EMSY: variants seen among roughly 807,000 people sequenced by gnomAD.
The protein encoded by EMSY is EMSY transcriptional repressor, BRCA2 interacting.
Under a neutral mutation model 134.6 loss-of-function variants are expected in EMSY, and 26 were observed. That is an observed-to-expected ratio of 0.19 (90% CI 0.14 to 0.27). The LOEUF is 0.27. EMSY is among the 10% of genes least tolerant of loss of function. EMSY has a pLI of 1.00. For missense variants in EMSY, 1,305 were observed against 1,611.4 expected (o/e 0.81, Z 3.26); for synonymous variants, 579 against 577.8 (o/e 1.00, Z -0.03).
intron 9 of EMSY, among the ~76,000 whole-genome samples, chr11:76,512,577 A>G (rs979773119): frequency 6.6e-6 from 1 of 152,008 alleles, no homozygotes; most frequent in Non-Finnish European, 1.5e-5. Context: ...TTCAGCCTCA[A>G]AGAGCATGTT....
Position 76,511,782 on chromosome 11 carries a change from G to T in EMSY, c.1364-1604G>T, listed in dbSNP as rs142378425. 4.4e-3 allele frequency among the ~76,000 whole-genome samples: 664 copies of T among 152,068 alleles called. 2 individuals carry two copies. Among genetic ancestry groups the T allele is most frequent in the Non-Finnish European group, 5.5e-3 (376 of 67,964 alleles). On this transcript the variant is annotated intron_variant, in intron 9 of 20. Transcript: ENST00000334736. Reference sequence around the variant, plus strand: ...GAAATTATTCCCCCCACAAACCTCAGTGCTTAAGATTTATTATAATCAGAA... The same window carrying T: ...GAAATTATTCCCCCCACAAACCTCATTGCTTAAGATTTATTATAATCAGAA...
At chr11:76,450,889 GC>G (rs1209463041) in intron 2 of EMSY, among the ~76,000 whole-genome samples, 1 of 150,998 alleles carries the variant, frequency 6.6e-6, no homozygotes, top group Non-Finnish European at 1.5e-5. Context: ...GACTTCCTGG[GC>G]TCAAGTGATC....
intron 17 of EMSY, among the ~76,000 whole-genome samples, chr11:76,540,676 T>C (rs1449411698): frequency 6.6e-6 from 1 of 152,220 alleles, no homozygotes. Context: ...AAATGGCATT[T>C]TTACATTGAT....
intron 11 of EMSY, among the ~76,000 whole-genome samples, chr11:76,522,161 G>A (rs996915653): frequency 7.2e-5 from 11 of 152,126 alleles, no homozygotes; most frequent in Non-Finnish European, 2.9e-5. Context: ...AATTATGGAA[G>A]GATGTGTGGG....
intron 8 of EMSY, among the ~76,000 whole-genome samples, chr11:76,480,627 A>G (rs1404163478): frequency 2.0e-5 from 3 of 152,178 alleles, no homozygotes; most frequent in African/African-American, 7.2e-5. Flanking sequence ...GTTGCTGGCA[A>G]GGTAGCCGAA....
intron 3 of EMSY, among the ~76,000 whole-genome samples, chr11:76,452,277 G>A (rs1269509110): frequency 6.6e-6 from 1 of 152,206 alleles, no homozygotes; most frequent in Non-Finnish European, 1.5e-5. Flanking sequence ...GGAAAGAAGA[G>A]CAGTAACTGG....
At chr11:76,519,629 C>T (rs1950575609) in intron 11 of EMSY, among the ~76,000 whole-genome samples, 1 of 152,072 alleles carries the variant, frequency 6.6e-6, no homozygotes, top group South Asian at 2.1e-4. Flanking sequence ...TTGAGCAAAG[C>T]AACATAAAAC....
chr11:76,536,023 A>G, exon 15 of EMSY: 1 of 1,591,654 alleles, frequency 6.3e-7, no homozygotes, highest in South Asian at 1.2e-5. Context: ...AGCTACTTCA[A>G]CAATCAAAGC....
chr11:76,511,604 G>A (rs943236609), intron 9 of EMSY, among the ~76,000 whole-genome samples: 3 of 152,110 alleles, frequency 2.0e-5, no homozygotes, highest in African/African-American at 7.2e-5. Flanking sequence ...GGAGGCTGAG[G>A]CAGGAGAATC....
intron 14 of EMSY, among the ~76,000 whole-genome samples, chr11:76,532,077 C>G (rs1245873658): frequency 6.6e-6 from 1 of 152,130 alleles, no homozygotes; most frequent in Non-Finnish European, 1.5e-5. Context: ...TGTACATCAG[C>G]TCTTTTAACA....
exon 19 of EMSY, chr11:76,544,520 C>T (rs1348289732): frequency 6.2e-7 from 1 of 1,614,152 alleles, no homozygotes; most frequent in Admixed American, 1.7e-5. Context: ...CCAGCACAAA[C>T]TCCCGCAAAT....
exon 19 of EMSY, chr11:76,544,397 A>G (rs1188621491): frequency 6.2e-7 from 1 of 1,614,050 alleles, no homozygotes; most frequent in Non-Finnish European, 8.5e-7. Flanking sequence ...ACAGTCAGCT[A>G]AACAGCAGAA....
intron 4 of EMSY, 94 bp from the exon 6 acceptor site, chr11:76,458,089 T>C (rs1449511767): frequency 4.1e-6 from 5 of 1,232,008 alleles, no homozygotes; most frequent in Non-Finnish European, 5.5e-6. Context: ...GGGCACTTTT[T>C]ATAATTTAAA....
chr11:76,484,521 A>G (rs1371768301), intron 8 of EMSY, among the ~76,000 whole-genome samples: 1 of 152,258 alleles, frequency 6.6e-6, no homozygotes, highest in Non-Finnish European at 1.5e-5. Context: ...AATAAAGAAG[A>G]AAAGAGAGAA....
chr11:76,488,535 G>T (rs6592644), intron 8 of EMSY, among the ~76,000 whole-genome samples: 42,011 of 141,904 alleles, frequency 0.3, 6,179 homozygotes, highest in Non-Finnish European at 0.34. Context: ...TTTTTTTTTT[G>T]TTTTTTTTTT....
At chr11:76,533,716 G>A (rs1951125889) in intron 14 of EMSY, among the ~76,000 whole-genome samples, 1 of 152,136 alleles carries the variant, frequency 6.6e-6, no homozygotes. Flanking sequence ...CTAACGTGTA[G>A]TAGGTATCCA....
chr11:76,495,120 A>AC (rs1389507257), intron 8 of EMSY, among the ~76,000 whole-genome samples: 1 of 152,232 alleles, frequency 6.6e-6, no homozygotes, highest in Non-Finnish European at 1.5e-5. Context: ...GAAAAATTCA[A>AC]CAAGTGAGGA....
intron 8 of EMSY, among the ~76,000 whole-genome samples, chr11:76,477,966 A>C (rs893488803): frequency 4.6e-5 from 7 of 151,798 alleles, no homozygotes; most frequent in African/African-American, 1.7e-4. Context: ...ATGTTGTGAC[A>C]CTCTTCTGCT....
intron 9 of EMSY, among the ~76,000 whole-genome samples, chr11:76,501,431 A>G (rs1033316301): frequency 6.6e-6 from 1 of 152,232 alleles, no homozygotes; most frequent in African/African-American, 2.4e-5. Context: ...TGATTATAGA[A>G]GTAAAAGAGG....
Sources: allele counts gnomAD v4.1 joint callset (sites outside exome capture counted in the v4.1 genomes callset), GRCh38; gene constraint gnomAD v4.1.1; transcripts MANE v1.5; gene names NCBI Gene and HGNC (gene_info 2026-07-23, HGNC 2026-07-21).